SLC8B1: variants seen among roughly 807,000 people sequenced by gnomAD.
SLC8B1 encodes solute carrier family 8 member B1.
Under a neutral mutation model 63.4 loss-of-function variants are expected in SLC8B1, and 52 were observed. The observed-to-expected ratio is 0.82, with a 90% CI of 0.66 to 1.03. The LOEUF (loss-of-function observed/expected upper bound fraction) is 1.03. Among genes scored for constraint, SLC8B1 ranks in the 50% least tolerant of loss-of-function variants. The pLI, the probability that SLC8B1 is intolerant of heterozygous loss-of-function variation, is 0.00. For missense variants in SLC8B1, 657 were observed against 741.7 expected (o/e 0.89, Z 1.33); for synonymous variants, 336 against 323.9 (o/e 1.04, Z -0.40).
chr12:113,319,945 A>G (rs941610562), intron 7 of SLC8B1: 11 of 195,028 alleles, frequency 5.6e-5, no homozygotes, highest in Non-Finnish European at 9.6e-5. Flanking sequence ...ATGCACCACC[A>G]CCATGCCCAG....
In SLC8B1 at chr12:113,299,472, A is replaced by AC. The variant is rs1956538465; in HGVS notation, c.*304dup. 1 of 353,122 alleles carries AC rather than the reference A, an allele frequency of 2.8e-6. No individual in the cohort carries two copies. Among genetic ancestry groups the AC allele is most frequent in the African/African-American group, 2.1e-5 (1 of 47,800 alleles). 21.9% of individuals were successfully genotyped at this position (353,122 alleles called of 1,614,324 possible). ...ACATCCAGCCATCCCCTTCCCCCAA[A>AC]CTCCAGCCCTTCTCAGAGGGGCTCT... is the stretch of plus-strand genomic sequence containing the variant. On this transcript the variant is annotated 3_prime_UTR_variant, in exon 16 of 16. Transcript: ENST00000680972.
chr12:113,316,665 A>C lies in SLC8B1; in HGVS notation c.863-9T>G, dbSNP rs2136844949. 1 of 1,612,720 alleles carries C rather than the reference A, an allele frequency of 6.2e-7. No individual in the cohort carries two copies. The highest frequency in any genetic ancestry group is 2.2e-5 in the East Asian group (1 of 44,884). Reference sequence around the variant, plus strand: ...CGGCCGGTACTCATCACCTGTGTGCAGGGGTCGGGTGGTGAGGTGTGCCTG... The same window carrying C: ...CGGCCGGTACTCATCACCTGTGTGCCGGGGTCGGGTGGTGAGGTGTGCCTG... On this transcript the variant is annotated splice_polypyrimidine_tract_variant and intron_variant, in intron 9 of 15. Coordinates refer to ENST00000680972, the MANE Select transcript of SLC8B1 (RefSeq NM_001358345.2).
chr12:113,314,288 A>G (rs1179308208), intron 11 of SLC8B1, among the ~76,000 whole-genome samples: 1 of 152,192 alleles, frequency 6.6e-6, no homozygotes, highest in African/African-American at 2.4e-5. Flanking sequence ...TGTGGCAAGG[A>G]GGCTGTTTCA....
In SLC8B1 at chr12:113,334,442, C is replaced by T. The variant is rs1004457911; in HGVS notation, c.-83+1G>A. On this transcript the variant is annotated splice_donor_variant, in intron 1 of 15. Transcript: ENST00000680972. LOFTEE classifies it low-confidence loss of function (5UTR_SPLICE). ...GCGCCTGTCCCAGCCAGGTTCCTTA[C>T]CTGTCCACGGAAGACACGGCCCTTC... 2 of 152,142 alleles carry T rather than the reference C, an allele frequency of 1.3e-5. No homozygotes were observed. The highest frequency in any genetic ancestry group is 2.9e-5 in the Non-Finnish European group (2 of 68,038). 9.4% of individuals were successfully genotyped at this position (152,142 alleles called of 1,614,324 possible).
At chr12:113,333,100 G>A in intron 1 of SLC8B1, 140 bp from the exon 2 acceptor site, 1 of 582,038 alleles carries the variant, frequency 1.7e-6, no homozygotes. Flanking sequence ...ACCATGTTCT[G>A]CACAGTCTCG....
At chr12:113,316,400 A>G (rs1218490401) in intron 10 of SLC8B1, 126 bp downstream of exon 10, 9 of 1,249,786 alleles carry the variant, frequency 7.2e-6, no homozygotes, top group Non-Finnish European at 1.0e-5. Context: ...TCAAATCACA[A>G]GTCATGTATT....
intron 14 of SLC8B1, among the ~76,000 whole-genome samples, chr12:113,304,916 T>A (rs1347192814): frequency 1.3e-5 from 2 of 152,002 alleles, no homozygotes; most frequent in East Asian, 3.9e-4. Context: ...CAAAAAAAAA[T>A]GAATTTACTT....
intron 10 of SLC8B1, 121 bp downstream of exon 10, chr12:113,316,405 T>C: frequency 1.6e-6 from 2 of 1,281,866 alleles, no homozygotes; most frequent in Non-Finnish European, 2.2e-6. Flanking sequence ...TCACAAGTCA[T>C]GTATTCTGAG....
At chr12:113,312,211 A>G (rs1250477623) in intron 11 of SLC8B1, among the ~76,000 whole-genome samples, 1 of 152,104 alleles carries the variant, frequency 6.6e-6, no homozygotes, top group East Asian at 1.9e-4. Flanking sequence ...AGGCAGGAGG[A>G]TCGCCTGAGG....
rs1281812150 is a variant in SLC8B1 at position 113,305,799 on chromosome 12, G to A, written c.1492+696C>T. Among the ~76,000 whole-genome samples, 6 of 152,110 alleles carry A rather than the reference G, an allele frequency of 3.9e-5. No individual in the cohort carries two copies. The highest frequency in any genetic ancestry group is 1.9e-4 in the East Asian group (1 of 5,186). On this transcript the variant is annotated intron_variant, in intron 14 of 15. Coordinates refer to ENST00000680972, the MANE Select transcript of SLC8B1 (RefSeq NM_001358345.2). The surrounding 1 kb of genome is among the most constrained non-coding windows in gnomAD (Gnocchi z 4.3). ...CTTTGGGCCAGGTGTGGTGGCTCAC[G>A]CCTGTAATCCCAGCACTTGGAGGCT...
intron 7 of SLC8B1, among the ~76,000 whole-genome samples, chr12:113,319,770 C>A (rs1194967599): frequency 6.6e-6 from 1 of 152,154 alleles, no homozygotes; most frequent in African/African-American, 2.4e-5. Flanking sequence ...ATCTTTACTG[C>A]TTGTTAAAAT....
chr12:113,315,414 C>T lies in SLC8B1; in HGVS notation c.1056G>A (p.Gln352=), dbSNP rs1300584424. 3.1e-6 allele frequency: 5 copies of T among 1,593,950 alleles called. No homozygotes were observed. Among genetic ancestry groups the T allele is most frequent in the Non-Finnish European group, 4.3e-6 (5 of 1,170,540 alleles). ...GACAGTTGAGGGGCCGTTTCCAGTT[C>T]TGGTCATCCTTGTCCGGGTCCACGA... is the stretch of plus-strand genomic sequence containing the variant. The part of the protein sequence containing the change: ...VPVVDPDKDD[Q]NWKRPLNCLH... The change falls in exon 11 of 16, where the codon CAG becomes CAA. Residue 352 remains glutamine, a synonymous_variant. Transcript: ENST00000680972.
intron 2 of SLC8B1, among the ~76,000 whole-genome samples, chr12:113,324,030 G>A (rs1956963741): frequency 6.6e-6 from 1 of 152,092 alleles, no homozygotes; most frequent in South Asian, 2.1e-4. Context: ...TGAAATCTGT[G>A]GCCAGGTAAA....
chr12:113,316,645 G>T lies in SLC8B1; in HGVS notation c.874C>A (p.Arg292=). The change falls in exon 10 of 16, where the codon CGG becomes AGG. Residue 292 remains arginine, a synonymous_variant. Coordinates refer to ENST00000680972, the MANE Select transcript of SLC8B1 (RefSeq NM_001358345.2). Reference sequence around the variant, plus strand: ...GTCTCCTGGTAGAAGAACAGCGGCCGGTACTCATCACCTGTGTGCAGGGGT... The same window carrying T: ...GTCTCCTGGTAGAAGAACAGCGGCCTGTACTCATCACCTGTGTGCAGGGGT... ...TNSYDYGDEY[R]PLFFYQETTA... The T allele has an allele frequency of 6.2e-7, 1 of 1,613,610 alleles. No homozygotes were observed. Among genetic ancestry groups the T allele is most frequent in the Non-Finnish European group, 8.5e-7 (1 of 1,180,008 alleles).
intron 14 of SLC8B1, among the ~76,000 whole-genome samples, chr12:113,306,066 C>CAAAAA (rs60824560): frequency 2.8e-4 from 5 of 18,090 alleles, no homozygotes; most frequent in Admixed American, 8.9e-4. Context: ...CCCCACCCTG[C>CAAAAA]AAAAAAAAAA....
rs201291537 is a variant in SLC8B1, at chr12:113,320,911, C to G, written c.363-4G>C. ...GGCCGACAAGTTGGGGCAGAAACTA[C>G]GGAGAAAAAGCGGACGGGAAGCATT... On this transcript the variant is annotated splice_region_variant and splice_polypyrimidine_tract_variant and intron_variant, in intron 4 of 15. Coordinates refer to ENST00000680972, the MANE Select transcript of SLC8B1 (RefSeq NM_001358345.2). This position sits in a 1 kb window ranked among gnomAD's most constrained non-coding sequence, Gnocchi z 5.3. The G allele has an allele frequency of 3.1e-6, 5 of 1,604,612 alleles. 1 individual carries two copies. In the Admixed American group the frequency reaches 8.7e-5, roughly 28 times the overall value.
In SLC8B1 at chr12:113,316,672, G is replaced by A. The variant is rs755389759; in HGVS notation, c.863-16C>T. 1.4e-5 allele frequency: 23 copies of A among 1,611,344 alleles called. No individual in the cohort carries two copies. The Admixed American group carries it at 2.2e-4, about 15-fold the overall frequency. Reference sequence around the variant, plus strand: ...TACTCATCACCTGTGTGCAGGGGTCGGGTGGTGAGGTGTGCCTGCGGCTGA... The same window carrying A: ...TACTCATCACCTGTGTGCAGGGGTCAGGTGGTGAGGTGTGCCTGCGGCTGA... On this transcript the variant is annotated splice_polypyrimidine_tract_variant and intron_variant, in intron 9 of 15. Coordinates refer to ENST00000680972, the MANE Select transcript of SLC8B1 (RefSeq NM_001358345.2).
intron 15 of SLC8B1, among the ~76,000 whole-genome samples, chr12:113,303,264 A>G (rs553133619): frequency 6.6e-6 from 1 of 152,304 alleles, no homozygotes; most frequent in East Asian, 1.9e-4. Context: ...AAAGAGGGAC[A>G]ACAAAGTTTG....
Position 113,334,733 on chromosome 12 carries a change from G to T in SLC8B1, c.-373C>A, listed in dbSNP as rs1224269476. 6.6e-6 allele frequency: 1 copy of T among 152,196 alleles called. No individual in the cohort carries two copies. Among genetic ancestry groups the T allele is most frequent in the Non-Finnish European group, 1.5e-5 (1 of 68,048 alleles). 9.4% of individuals were successfully genotyped at this position (152,196 alleles called of 1,614,324 possible). A position where few individuals can be genotyped will look rare whatever the true frequency, so the allele number is the denominator to read the frequency against. The stretch of plus-strand genomic sequence containing the variant: ...ACACCTGAAGATCAGCATGCGTCTC[G>T]TCTCTCTTTGCTGCCGATTTATTTT... On this transcript the variant is annotated 5_prime_UTR_variant, in exon 1 of 16. Transcript: ENST00000680972.
Sources: gnomAD v4.1 joint callset for allele counts (sites outside exome capture counted in the v4.1 genomes callset) on GRCh38, gnomAD v4.1.1 for gene constraint, Gnocchi (gnomAD v3.1) non-coding constraint, MANE v1.5 for transcripts, NCBI Gene and HGNC (gene_info 2026-07-23, HGNC 2026-07-21) for gene names.